Variants in SYN3 observed in about 807,000 individuals in gnomAD.
The protein encoded by SYN3 is synapsin-3.
A neutral mutation model predicts 65.8 loss-of-function variants in SYN3; 35 were observed. That is an observed-to-expected ratio of 0.53 (90% CI 0.41 to 0.70). The LOEUF (loss-of-function observed/expected upper bound fraction) is 0.70, where lower values mean the gene tolerates loss of function less well. Ranked by LOEUF, SYN3 falls within the 30% of genes least tolerant of loss-of-function variation. The pLI, the probability that SYN3 is intolerant of heterozygous loss-of-function variation, is 0.00. For synonymous variants in SYN3, 270 were observed against 292.9 expected, an observed-to-expected ratio of 0.92 and a Z score of 0.80; for missense variants, 680 against 749.0, an observed-to-expected ratio of 0.91 and a Z score of 1.08.
chr22:32,708,015 G>C (rs1336772081), intron 6 of SYN3, among the ~76,000 whole-genome samples: 1 of 152,220 alleles, frequency 6.6e-6, no homozygotes, highest in African/African-American at 2.4e-5. Flanking sequence ...GCCCTTAGAT[G>C]ATCTGCTCAG....
At chr22:33,053,456 T>C (rs920913723) in intron 1 of SYN3, among the ~76,000 whole-genome samples, 1 of 152,158 alleles carries the variant, frequency 6.6e-6, no homozygotes, top group African/African-American at 2.4e-5. Flanking sequence ...GAGCAAGAGA[T>C]GGAGCCTTGC....
intron 7 of SYN3, among the ~76,000 whole-genome samples, chr22:32,574,812 T>A (rs1409399977): frequency 6.6e-6 from 1 of 152,280 alleles, no homozygotes; most frequent in African/African-American, 2.4e-5. Context: ...CCCAGTCATA[T>A]GCTATTGCAT....
At chr22:32,753,208 C>T (rs1463501696) in intron 6 of SYN3, among the ~76,000 whole-genome samples, 1 of 152,104 alleles carries the variant, frequency 6.6e-6, no homozygotes, top group African/African-American at 2.4e-5. Context: ...GTCAAAGGGT[C>T]AGGTTGTATG....
rs2048641365 is a variant in SYN3, at chr22:32,864,705, T to C, written c.711+210A>G. ...TCCAAGGAATGTGGTTCACCTTTGT[T>C]ATTTGCCCTATTGCCTGAATTTCAC... is the stretch of plus-strand genomic sequence containing the variant. On this transcript the variant is annotated intron_variant, in intron 6 of 13. Coordinates refer to ENST00000358763, the MANE Select transcript of SYN3 (RefSeq NM_003490.4). 3 of 466,174 alleles carry C rather than the reference T, an allele frequency of 6.4e-6. No individual in the cohort carries two copies. The East Asian group carries it at 1.0e-4, about 16-fold the overall frequency. 28.9% of individuals were successfully genotyped at this position (466,174 alleles called of 1,614,324 possible).
chr22:32,710,098 C>CACACAT (rs71320948), intron 6 of SYN3, among the ~76,000 whole-genome samples: 62 of 129,614 alleles, frequency 4.8e-4, no homozygotes, highest in African/African-American at 1.6e-3. Flanking sequence ...CACACACACA[C>CACACAT]ATGTGTGTGT....
intron 6 of SYN3, among the ~76,000 whole-genome samples, chr22:32,844,758 G>A (rs1184793923): frequency 1.3e-5 from 2 of 151,242 alleles, no homozygotes; most frequent in Admixed American, 6.6e-5. Flanking sequence ...CACCCAGGCT[G>A]GAGTGTAATG....
chr22:32,575,734 C>T (rs1342121560), intron 7 of SYN3, among the ~76,000 whole-genome samples: 2 of 152,226 alleles, frequency 1.3e-5, no homozygotes, highest in South Asian at 2.1e-4. Flanking sequence ...GCCCAAGAGG[C>T]GCTGCTGCTA....
At chr22:32,864,018 T>C (rs1230949150) in intron 6 of SYN3, among the ~76,000 whole-genome samples, 1 of 152,198 alleles carries the variant, frequency 6.6e-6, no homozygotes, top group Non-Finnish European at 1.5e-5. Context: ...ATAGAAATTC[T>C]GCTTGGTTAG....
chr22:32,892,066 G>A (rs1172599510), intron 4 of SYN3, among the ~76,000 whole-genome samples: 1 of 151,958 alleles, frequency 6.6e-6, no homozygotes, highest in Admixed American at 6.6e-5. Flanking sequence ...AGACCGAGGC[G>A]GGCGGATCAT....
intron 7 of SYN3, among the ~76,000 whole-genome samples, chr22:32,593,195 C>A (rs1282537725): frequency 3.3e-5 from 5 of 152,014 alleles, no homozygotes; most frequent in African/African-American, 1.2e-4. Context: ...GAGAAAAGTC[C>A]TTTTCCCTTG....
intron 1 of SYN3, among the ~76,000 whole-genome samples, chr22:33,019,215 A>G (rs1305961344): frequency 1.3e-5 from 2 of 152,168 alleles, no homozygotes; most frequent in Non-Finnish European, 2.9e-5. Context: ...TTTCCTTGCT[A>G]CTTTGGCCAT....
chr22:32,678,794 T>C (rs1601898396), intron 6 of SYN3, among the ~76,000 whole-genome samples: 1 of 152,236 alleles, frequency 6.6e-6, no homozygotes, highest in East Asian at 1.9e-4. Context: ...CTTCTCTTCC[T>C]TCATATTCTT....
intron 6 of SYN3, among the ~76,000 whole-genome samples, chr22:32,836,721 G>C (rs2146168458): frequency 6.6e-6 from 1 of 152,310 alleles, no homozygotes; most frequent in Non-Finnish European, 1.5e-5. Flanking sequence ...GCTGCAGCAG[G>C]TGGGCCTTCC....
chr22:32,548,709 G>T (rs1009327998), intron 7 of SYN3, among the ~76,000 whole-genome samples: 1 of 152,276 alleles, frequency 6.6e-6, no homozygotes, highest in African/African-American at 2.4e-5. Flanking sequence ...GTTCTAGAAA[G>T]AATTTATGGC....
At chr22:32,913,709 G>A (rs987241675) in intron 4 of SYN3, among the ~76,000 whole-genome samples, 12 of 152,124 alleles carry the variant, frequency 7.9e-5, no homozygotes, top group Admixed American at 2.0e-4. Flanking sequence ...CAGGGCAGGC[G>A]TTCAATTCAT....
At chr22:32,803,248 G>T (rs2046640011) in intron 6 of SYN3, among the ~76,000 whole-genome samples, 1 of 152,084 alleles carries the variant, frequency 6.6e-6, no homozygotes, top group African/African-American at 2.4e-5. Context: ...TGGAGCGTGT[G>T]TGTTTTAAGT....
At chr22:32,807,329 AAT>A (rs1301561567) in intron 6 of SYN3, among the ~76,000 whole-genome samples, 20 of 79,774 alleles carry the variant, frequency 2.5e-4, no homozygotes, top group African/African-American at 1.0e-3. Context: ...ATAAATATAT[AAT>A]TTATATATAA....
chr22:33,004,296 C>G (rs2053142799), intron 2 of SYN3, among the ~76,000 whole-genome samples: 1 of 152,242 alleles, frequency 6.6e-6, no homozygotes, highest in Non-Finnish European at 1.5e-5. Flanking sequence ...ACACTTCACA[C>G]TGTGAGCCTG....
At chr22:32,871,571 G>A (rs116957996) in intron 4 of SYN3, among the ~76,000 whole-genome samples, 1,766 of 152,020 alleles carry the variant, frequency 0.012, 14 homozygotes, top group Middle Eastern at 0.024. Context: ...GTCCCAAATG[G>A]GTTGCCTGCC....
Sources: gnomAD v4.1 joint callset for allele counts (sites outside exome capture counted in the v4.1 genomes callset) on GRCh38, gnomAD v4.1.1 for gene constraint, MANE v1.5 for transcripts, NCBI Gene and HGNC (gene_info 2026-07-23, HGNC 2026-07-21) for gene names.